CTCFL: variants seen among roughly 807,000 people sequenced by gnomAD.
CTCFL encodes the protein CCCTC-binding factor like.
Under a neutral mutation model 67.4 loss-of-function variants are expected in CTCFL, and 36 were observed. The observed-to-expected ratio is 0.53, with a 90% CI of 0.41 to 0.71. The LOEUF (loss-of-function observed/expected upper bound fraction) is 0.71, where lower values mean the gene tolerates loss of function less well. Ranked by LOEUF, CTCFL falls within the 30% of genes least tolerant of loss-of-function variation. CTCFL has a pLI of 0.00. For synonymous variants in CTCFL, 324 were observed against 302.3 expected (o/e 1.07, Z -0.75); for missense variants, 786 against 835.2 (o/e 0.94, Z 0.73).
chr20:57,524,677 G>A, intron 1 of CTCFL: 2 of 1,002,256 alleles, frequency 2.0e-6, no homozygotes, highest in Non-Finnish European at 2.4e-6. Context: ...CCGGGCCAGT[G>A]CACACCCGGC....
rs924402270 is a variant in CTCFL at position 57,506,827 on chromosome 20, C to T, written c.1674+1779G>A. ...TTAGAATTCTACTCGTTAATTTTAA[C>T]TCTTCACAATTTTTGCATGAGCAAT... On this transcript the variant is annotated intron_variant, in intron 9 of 10. Coordinates refer to ENST00000243914, the MANE Select transcript of CTCFL (RefSeq NM_001386993.1). 115 of 985,014 alleles carry T rather than the reference C, an allele frequency of 1.2e-4. 1 individual carries two copies. Among genetic ancestry groups the T allele is most frequent in the Non-Finnish European group, 1.3e-4 (110 of 829,692 alleles). The allele number at this position is 985,014 out of a possible 1,614,324, so 61.0% of individuals were successfully genotyped here.
In CTCFL at chr20:57,510,804, A is replaced by G. The variant is rs1336379896; in HGVS notation, c.1491+1788T>C. 7.8e-4 allele frequency among the ~76,000 whole-genome samples: 119 copies of G among 152,212 alleles called. 1 individual carries two copies. Among genetic ancestry groups the G allele is most frequent in the Non-Finnish European group, 2.9e-4 (20 of 68,016 alleles). ...CGTGAACCCAGGAGGTGGAGTTTGC[A>G]GTGATAGCGCCACTGCACTCTAGCC... On this transcript the variant is annotated intron_variant, in intron 8 of 10. Transcript: ENST00000243914.
chr20:57,512,419 T>A (rs1452695717), intron 8 of CTCFL, among the ~76,000 whole-genome samples, 173 bp downstream of exon 8: 1 of 152,242 alleles, frequency 6.6e-6, no homozygotes, highest in Non-Finnish European at 1.5e-5. Context: ...TGAACATACT[T>A]TAAGAACTGT....
chr20:57,506,409 T>C (rs951538057), intron 9 of CTCFL, among the ~76,000 whole-genome samples: 1 of 152,212 alleles, frequency 6.6e-6, no homozygotes, highest in Non-Finnish European at 1.5e-5. Context: ...GTTCAAGCAA[T>C]TCTCCTGCCT....
chr20:57,497,632 CACTA>C lies in CTCFL; in HGVS notation c.*914_*917del, dbSNP rs201313062. On this transcript the variant is annotated 3_prime_UTR_variant, in exon 11 of 11. Transcript: ENST00000243914. The stretch of plus-strand genomic sequence containing the variant: ...TGTCAACTGGCAAAAGGGAAATACT[CACTA>C]ATCACTGGGCATTATGAAAAAGTAC... The C allele has an allele frequency of 2.7e-3, 2,685 of 985,388 alleles. 50 individuals are homozygous for C. In the African/African-American group the frequency reaches 0.041, roughly 15 times the overall value. The allele number at this position is 985,388 out of a possible 1,614,324, so 61.0% of individuals were successfully genotyped here.
At chr20:57,522,390 G>C (rs943986482) in intron 3 of CTCFL, among the ~76,000 whole-genome samples, 26 of 152,162 alleles carry the variant, frequency 1.7e-4, no homozygotes, top group African/African-American at 5.8e-4. Context: ...TAAAAAATAA[G>C]CCAAACAAAT....
At chr20:57,516,388 T>C (rs976786230) in intron 5 of CTCFL, among the ~76,000 whole-genome samples, 5 of 151,872 alleles carry the variant, frequency 3.3e-5, no homozygotes, top group African/African-American at 1.2e-4. Context: ...AAATTAAAAA[T>C]GAGCTAGGTA....
Position 57,497,734 on chromosome 20 carries a change from T to C in CTCFL, c.*816A>G. ...CTCACTCTGCCAATTATTTTACAAA[T>C]ATAAAAAGAGTAGTTTTAGCAGAAA... On this transcript the variant is annotated 3_prime_UTR_variant, in exon 11 of 11. Coordinates refer to ENST00000243914, the MANE Select transcript of CTCFL (RefSeq NM_001386993.1). The C allele has an allele frequency of 1.0e-6, 1 of 984,742 alleles. No individual in the cohort carries two copies. 61.0% of individuals were successfully genotyped at this position (984,742 alleles called of 1,614,324 possible). A position where few individuals can be genotyped will look rare whatever the true frequency, so the allele number is the denominator to read the frequency against.
At chr20:57,505,879 T>G (rs1208355762) in intron 9 of CTCFL, among the ~76,000 whole-genome samples, 1 of 152,202 alleles carries the variant, frequency 6.6e-6, no homozygotes. Flanking sequence ...GTAAAAAAAC[T>G]GGCAACAGGT....
At chr20:57,496,414 ATTTC>A, downstream of CTCFL, 1 of 513,846 alleles carries the variant, frequency 1.9e-6, no homozygotes, top group Non-Finnish European at 3.5e-6. Flanking sequence ...AGTTTCAGGT[ATTTC>A]TTTATAGCAA....
chr20:57,506,275 G>C (rs901737536), intron 9 of CTCFL, among the ~76,000 whole-genome samples: 2 of 152,148 alleles, frequency 1.3e-5, no homozygotes, highest in Non-Finnish European at 2.9e-5. Flanking sequence ...GTCTTCTTTG[G>C]AGAAAGGTCT....
downstream of CTCFL, chr20:57,497,119 A>T (rs897194633): frequency 6.5e-6 from 3 of 460,740 alleles, no homozygotes; most frequent in Non-Finnish European, 8.5e-6. Flanking sequence ...CATTCTCTCC[A>T]GACAAAGAAG....
chr20:57,505,474 T>C (rs1349229969), intron 9 of CTCFL, among the ~76,000 whole-genome samples: 1 of 152,108 alleles, frequency 6.6e-6, no homozygotes, highest in Non-Finnish European at 1.5e-5. Flanking sequence ...GCCAGGATGG[T>C]CTCGATCTCC....
intron 4 of CTCFL, 65 bp from the exon 5 acceptor site, chr20:57,518,956 T>C (rs1182824280): frequency 7.2e-6 from 11 of 1,524,932 alleles, no homozygotes; most frequent in African/African-American, 2.8e-5. Context: ...AAGGAATTCA[T>C]AGCTTTTTAA....
chr20:57,517,587 GC>G (rs1208580103), intron 5 of CTCFL, among the ~76,000 whole-genome samples: 15 of 152,070 alleles, frequency 9.9e-5, no homozygotes, highest in African/African-American at 3.6e-4. Flanking sequence ...CAATTCAAAA[GC>G]TTTTTTAAAA....
intron 10 of CTCFL, chr20:57,500,173 GGT>G: frequency 1.0e-6 from 1 of 979,820 alleles, no homozygotes; most frequent in Non-Finnish European, 1.2e-6. Flanking sequence ...CCACAAAACT[GGT>G]GCCATCAGGC....
chr20:57,524,832 T>C, intron 1 of CTCFL, 196 bp downstream of exon 1: 3 of 858,598 alleles, frequency 3.5e-6, no homozygotes, highest in Non-Finnish European at 4.2e-6. Context: ...CCAAGCACAC[T>C]CCCTCGGAGG....
Position 57,523,785 on chromosome 20 carries a change from C to A in CTCFL, c.421G>T (p.Glu141Ter), listed in dbSNP as rs1457398539. The change falls in exon 2 of 11, where the codon GAG becomes TAG. Residue 141 changes from glutamate to a stop codon, truncating the protein, a stop_gained. Transcript: ENST00000243914. LOFTEE classifies it high-confidence loss of function. ...TCCATCTCTTGCGGGGAGTACAGCT[C>A]TTGCTGGATACTAATGGCCACACAC... Reference protein sequence around the residue: ...QQCVAISIQQELYSPQEMEVL... With the variant: ...QQCVAISIQQ The A allele has an allele frequency of 6.2e-7, 1 of 1,613,262 alleles. No individual in the cohort carries two copies. Among genetic ancestry groups the A allele is most frequent in the Non-Finnish European group, 8.5e-7 (1 of 1,180,048 alleles).
chr20:57,502,861 T>G (rs2067989963), intron 10 of CTCFL, among the ~76,000 whole-genome samples: 1 of 152,150 alleles, frequency 6.6e-6, no homozygotes, highest in South Asian at 2.1e-4. Flanking sequence ...TCAAAAGAAG[T>G]TCTAAATCCT....
Sources: allele counts gnomAD v4.1 joint callset (sites outside exome capture counted in the v4.1 genomes callset), GRCh38; gene constraint gnomAD v4.1.1; transcripts MANE v1.5; gene names NCBI Gene and HGNC (gene_info 2026-07-23, HGNC 2026-07-21).